VSIG4: variants seen among roughly 807,000 people sequenced by gnomAD.
VSIG4 encodes the protein V-set and immunoglobulin domain containing 4, also known as V-set and immunoglobulin domain-containing protein 4.
VSIG4 carries 34 observed loss-of-function variants against 23.4 expected under a neutral mutation model. That is an observed-to-expected ratio of 1.45 (90% CI 1.10 to 1.93). The LOEUF is 1.93. VSIG4 is among the 30% of genes most tolerant of loss of function. The probability of loss-of-function intolerance (pLI) is 0.00; values close to 1 mark genes in which losing one functional copy is unlikely to be tolerated. For synonymous variants in VSIG4, 169 were observed against 120.3 expected (o/e 1.41, Z -2.65); for missense variants, 433 against 310.8 (o/e 1.39, Z -2.96).
chrX:66,025,002 A>T, intron 6 of VSIG4, 23 bp downstream of exon 6: 1 of 1,103,961 alleles, frequency 9.1e-7, no homozygotes, highest in South Asian at 2.1e-5. Context: ...AGCCAAAGCC[A>T]CCTTCTCATA....
In VSIG4 at chrX:66,022,043, C is replaced by T. The variant is rs1398664047; in HGVS notation, c.*220G>A. On this transcript the variant is annotated 3_prime_UTR_variant, in exon 8 of 8. Coordinates refer to ENST00000374737, the MANE Select transcript of VSIG4 (RefSeq NM_007268.3). ...AGAGAGGAGTACCAGAAGCCCCCGG[C>T]AGAGATACTAGAAGGGCCCAGAGCC... is the stretch of plus-strand genomic sequence containing the variant. 8.6e-7 allele frequency: 1 copy of T among 1,158,632 alleles called. No homozygotes were observed.
In VSIG4 at chrX:66,037,828, T is replaced by C. The variant is rs771191863; in HGVS notation, c.55+2116A>G. ...AGTATATATACAGTATTGAGCTTAA[T>C]GTGGTCCTGAGACCCAGCCTTATAA... On this transcript the variant is annotated intron_variant, in intron 1 of 7. Transcript: ENST00000374737. Among the ~76,000 whole-genome samples the C allele has an allele frequency of 5.6e-5, 6 of 107,174 alleles. No individual in the cohort carries two copies. The East Asian group carries it at 1.5e-3, about 26-fold the overall frequency. 93.1% of individuals were successfully genotyped at this position (107,174 alleles called of 115,157 possible).
chrX:66,039,981 G>GCCCA lies in VSIG4; in HGVS notation c.14_17dup (p.Leu7GlyfsTer39). 1.7e-6 allele frequency: 2 copies of GCCCA among 1,211,510 alleles called. No homozygotes were observed. The highest frequency in any genetic ancestry group is 2.2e-6 in the Non-Finnish European group (2 of 895,282). ...CTGTTAGGTGCCCCAGGAGTAGCAGGCCCAGTAAGATCCCCATCACAGCCA... is the reference window on the plus strand; with the variant it reads ...CTGTTAGGTGCCCCAGGAGTAGCAGGCCCACCCAGTAAGATCCCCATCACAGCCA... On this transcript the variant is annotated frameshift_variant, in exon 1 of 8. Coordinates refer to ENST00000374737, the MANE Select transcript of VSIG4 (RefSeq NM_007268.3). LOFTEE classifies it high-confidence loss of function.
chrX:66,036,973 A>T lies in VSIG4; in HGVS notation c.55+2971T>A, dbSNP rs183729136. ...TATTATATTATATTATATAATATAT[A>T]ATATAATATATCATATAATATAATA... is the stretch of plus-strand genomic sequence containing the variant. On this transcript the variant is annotated intron_variant, in intron 1 of 7. Transcript: ENST00000374737. Among the ~76,000 whole-genome samples the T allele has an allele frequency of 4.1e-3, 99 of 24,159 alleles. 3 individuals carry two copies. Among genetic ancestry groups the T allele is most frequent in the African/African-American group, 0.024 (85 of 3,558 alleles). 21.0% of individuals were successfully genotyped at this position (24,159 alleles called of 115,157 possible).
At chrX:66,032,828 G>T in intron 2 of VSIG4, 79 bp from the exon 3 acceptor site, 1 of 1,047,573 alleles carries the variant, frequency 9.5e-7, no homozygotes. Flanking sequence ...TTCTTGTTGG[G>T]CGTAAGGGCA....
Position 66,039,974 on chromosome X carries a change from G to A in VSIG4, c.25C>T (p.Leu9Phe), listed in dbSNP as rs753170863. MGILLGLLLLGHLTVDTYG... is the reference protein window; with the variant it reads MGILLGLLFLGHLTVDTYG... Reference sequence around the variant, plus strand: ...GTGTCCACTGTTAGGTGCCCCAGGAGTAGCAGGCCCAGTAAGATCCCCATC... The same window carrying A: ...GTGTCCACTGTTAGGTGCCCCAGGAATAGCAGGCCCAGTAAGATCCCCATC... Residue 9 changes from leucine to phenylalanine, a missense_variant, in exon 1 of 8, where the codon CTC becomes TTC. Leu to Phe is a conservative substitution (Grantham distance 22). Transcript: ENST00000374737. 5.0e-6 allele frequency: 6 copies of A among 1,210,093 alleles called. No homozygotes were observed. The highest frequency in any genetic ancestry group is 4.5e-6 in the Non-Finnish European group (4 of 895,097).
chrX:66,027,723 G>T (rs912606593), intron 4 of VSIG4, among the ~76,000 whole-genome samples, 197 bp from the exon 5 acceptor site: 2 of 112,141 alleles, frequency 1.8e-5, no homozygotes, highest in Non-Finnish European at 3.8e-5. Flanking sequence ...GCAGTGAGAA[G>T]AATTCCCATC....
chrX:66,023,350 G>T (rs1468774234), intron 6 of VSIG4, among the ~76,000 whole-genome samples: 1 of 111,764 alleles, frequency 8.9e-6, no homozygotes, highest in East Asian at 2.8e-4. Context: ...GGTTACCATT[G>T]CCCCCTAGTG....
intron 3 of VSIG4, 28 bp downstream of exon 3, chrX:66,032,440 A>T (rs1375745662): frequency 2.5e-6 from 3 of 1,193,868 alleles, no homozygotes; most frequent in Non-Finnish European, 3.4e-6. Flanking sequence ...GTGTGTTAAG[A>T]TGCTCACCAG....
At chrX:66,025,781 A>G (rs1185437783) in intron 5 of VSIG4, among the ~76,000 whole-genome samples, 1 of 112,156 alleles carries the variant, frequency 8.9e-6, no homozygotes, top group African/African-American at 3.2e-5. Context: ...GAGATTTGAG[A>G]ATGCTACATT....
intron 1 of VSIG4, among the ~76,000 whole-genome samples, chrX:66,036,371 T>G (rs1224460502): frequency 9.4e-6 from 1 of 106,850 alleles, no homozygotes; most frequent in African/African-American, 3.4e-5. Flanking sequence ...CACTGACTTG[T>G]ACCTTCTACC....
intron 1 of VSIG4, among the ~76,000 whole-genome samples, chrX:66,037,757 C>CGTATATATACTTAGTGCTGATAA (rs2085633528): frequency 1.2e-5 from 1 of 80,210 alleles, no homozygotes. Flanking sequence ...ATTACTGATA[C>CGTATATATACTTAGTGCTGATAA]GTATATATAC....
At position 66,022,760 on chromosome X, in the gene VSIG4, C is replaced by A. The variant is rs888231014; in HGVS notation, c.962+81G>T. 5.0e-6 allele frequency: 6 copies of A among 1,206,246 alleles called. No homozygotes were observed. The African/African-American group carries it at 1.0e-4, about 21-fold the overall frequency. Reference sequence around the variant, plus strand: ...TTAGGATTGGGTCTGTGCCACACCCCCCTTCCTCCACATTTCCTGCCAGTA... The same window carrying A: ...TTAGGATTGGGTCTGTGCCACACCCACCTTCCTCCACATTTCCTGCCAGTA... On this transcript the variant is annotated intron_variant, in intron 7 of 7. Transcript: ENST00000374737.
intron 1 of VSIG4, among the ~76,000 whole-genome samples, chrX:66,039,607 G>T (rs2147684986): frequency 8.9e-6 from 1 of 112,162 alleles, no homozygotes; most frequent in South Asian, 3.7e-4. Flanking sequence ...AAGTCCAATT[G>T]TAGAATTTTA....
intron 3 of VSIG4, among the ~76,000 whole-genome samples, chrX:66,031,984 G>A (rs1360040718): frequency 9.0e-6 from 1 of 111,651 alleles, no homozygotes; most frequent in Non-Finnish European, 1.9e-5. Context: ...CTTTCAAAGG[G>A]TGCCCAGGAT....
At chrX:66,028,745 A>C (rs2085427152) in intron 3 of VSIG4, among the ~76,000 whole-genome samples, 1 of 108,938 alleles carries the variant, frequency 9.2e-6, no homozygotes, top group African/African-American at 3.4e-5. Flanking sequence ...ATACAACCCC[A>C]TTCCAGGTGC....
rs1489775763 is a variant in VSIG4 at position 66,028,064 on chromosome X, G to A, written c.743C>T (p.Thr248Ile). The A allele has an allele frequency of 2.5e-6, 3 of 1,210,743 alleles. No homozygotes were observed. The highest frequency in any genetic ancestry group is 1.8e-5 in the South Asian group (1 of 56,956). The change falls in exon 4 of 8, where the codon ACA (threonine) becomes ATA (isoleucine). Residue 248 changes from threonine (T) to isoleucine (I), a missense_variant. By Grantham distance (89) the Thr-to-Ile change is moderately conservative. Coordinates refer to ENST00000374737, the MANE Select transcript of VSIG4 (RefSeq NM_007268.3). ...KTKTEAPTTM[T>I]YPLKATSTVK... is the part of the protein sequence containing the mutation. ...GCAAAACTCACCTTTCAAGGGGTAT[G>A]TCATGGTTGTAGGTGCCTCAGTCTT... is the stretch of plus-strand genomic sequence containing the variant.
At chrX:66,022,806 C>A (rs112004626) in intron 7 of VSIG4, 35 bp downstream of exon 7, 67 of 1,209,555 alleles carry the variant, frequency 5.5e-5, no homozygotes, top group Non-Finnish European at 6.8e-5. Flanking sequence ...AGGGCAGGGA[C>A]GGGGTCAAAA....
intron 1 of VSIG4, among the ~76,000 whole-genome samples, chrX:66,035,906 T>C (rs1244804510): frequency 1.8e-5 from 2 of 112,207 alleles, no homozygotes; most frequent in African/African-American, 3.2e-5. Flanking sequence ...CTTCTGACCT[T>C]AGGGGAGCTG....
Sources: gnomAD v4.1 joint callset for allele counts (sites outside exome capture counted in the v4.1 genomes callset) on GRCh38, gnomAD v4.1.1 for gene constraint, MANE v1.5 for transcripts, NCBI Gene and HGNC (gene_info 2026-07-23, HGNC 2026-07-21) for gene names.